The following CD2AP variants were observed in gnomAD, a reference collection of about 807,000 sequenced individuals.
CD2AP encodes CD2-associated protein.
In CD2AP, 46 loss-of-function variants were observed where a neutral mutation model predicts 85.1. That is an observed-to-expected ratio of 0.54 (90% confidence interval 0.43 to 0.69). The LOEUF (loss-of-function observed/expected upper bound fraction) is 0.69. Ranked by LOEUF, CD2AP falls within the 30% of genes least tolerant of loss-of-function variation. The pLI is 0.00. For synonymous variants in CD2AP, 255 were observed against 252.9 expected (o/e 1.01, Z -0.08); for missense variants, 769 against 729.5 (o/e 1.05, Z -0.62).
intron 1 of CD2AP, among the ~76,000 whole-genome samples, chr6:47,494,748 C>T (rs1246963540): frequency 6.6e-6 from 1 of 152,232 alleles, no homozygotes; most frequent in East Asian, 1.9e-4. Flanking sequence ...ATTCCACAGT[C>T]AGCCTCCAGC....
At chr6:47,617,763 C>T (rs1769630592) in intron 17 of CD2AP, among the ~76,000 whole-genome samples, 1 of 152,150 alleles carries the variant, frequency 6.6e-6, no homozygotes, top group African/African-American at 2.4e-5. Flanking sequence ...GGAGTACTTT[C>T]AAGAGCTTTC....
intron 2 of CD2AP, among the ~76,000 whole-genome samples, chr6:47,515,428 T>A (rs769917538): frequency 6.6e-5 from 10 of 152,208 alleles, no homozygotes; most frequent in African/African-American, 2.2e-4. Context: ...ACACTTTATA[T>A]CTGTATGAAT....
chr6:47,570,750 G>A (rs1400523036), intron 5 of CD2AP, among the ~76,000 whole-genome samples: 3 of 152,076 alleles, frequency 2.0e-5, no homozygotes, highest in Non-Finnish European at 4.4e-5. Context: ...CATTTTACAG[G>A]CAAAGAGATT....
intron 3 of CD2AP, among the ~76,000 whole-genome samples, chr6:47,536,410 G>A (rs924654625): frequency 3.3e-5 from 5 of 152,104 alleles, no homozygotes; most frequent in Non-Finnish European, 7.4e-5. Flanking sequence ...ACACTGCAGT[G>A]TATATGTTCA....
intron 1 of CD2AP, among the ~76,000 whole-genome samples, chr6:47,491,750 A>T (rs573848624): frequency 4.3e-4 from 66 of 152,196 alleles, no homozygotes; most frequent in African/African-American, 1.4e-3. Flanking sequence ...GTAATAATTT[A>T]AAAAAATTAT....
chr6:47,515,212 A>T (rs925199919), intron 2 of CD2AP, among the ~76,000 whole-genome samples: 15 of 152,290 alleles, frequency 9.8e-5, no homozygotes, highest in African/African-American at 3.4e-4. Context: ...TGGGGGAGTA[A>T]TGGGATTTAA....
At chr6:47,505,444 G>A (rs1264437647) in intron 2 of CD2AP, among the ~76,000 whole-genome samples, 6 of 150,652 alleles carry the variant, frequency 4.0e-5, no homozygotes, top group Non-Finnish European at 7.4e-5. Flanking sequence ...ACACAGACAC[G>A]GCAACCATCC....
chr6:47,610,971 A>ATATATATATATATATATATATATTT lies in CD2AP; in HGVS notation c.1815-1501_1815-1500insATATATATATATATATATATATTTT. 2.2e-3 allele frequency among the ~76,000 whole-genome samples: 251 copies of ATATATATATATATATATATATATTT among 112,764 alleles called. 4 individuals are homozygous for ATATATATATATATATATATATATTT. Among genetic ancestry groups the ATATATATATATATATATATATATTT allele is most frequent in the African/African-American group, 8.7e-3 (241 of 27,740 alleles). The allele number at this position is 112,764 out of a possible 152,430, so 74.0% of individuals were successfully genotyped here. A position where few individuals can be genotyped will look rare whatever the true frequency, so the allele number is the denominator to read the frequency against. On this transcript the variant is annotated intron_variant, in intron 16 of 17. Transcript: ENST00000359314. ...GATTTATATATATATATATATATGTATTTTTTTTTTTTTTTGAATATAAAA... is the reference window on the plus strand; with the variant it reads ...GATTTATATATATATATATATATGTATATATATATATATATATATATATTTTTTTTTTTTTTTTTTGAATATAAAA...
intron 2 of CD2AP, among the ~76,000 whole-genome samples, chr6:47,524,732 C>T (rs1766678441): frequency 6.6e-6 from 1 of 152,010 alleles, no homozygotes; most frequent in South Asian, 2.1e-4. Flanking sequence ...TCTACTTTTG[C>T]CTTCTCTGAA....
intron 4 of CD2AP, among the ~76,000 whole-genome samples, chr6:47,550,797 A>G (rs1217195930): frequency 1.3e-5 from 2 of 152,166 alleles, no homozygotes; most frequent in South Asian, 2.1e-4. Context: ...CCATCAGTCA[A>G]TGAGTGGATA....
chr6:47,529,874 C>G (rs750731903), intron 2 of CD2AP, among the ~76,000 whole-genome samples: 1 of 152,206 alleles, frequency 6.6e-6, no homozygotes, highest in Non-Finnish European at 1.5e-5. Context: ...CCTTGCTATT[C>G]TTGAATTTTA....
Position 47,609,222 on chromosome 6 carries a change from G to A in CD2AP, c.1732G>A (p.Val578Met). Residue 578 changes from valine (V) to methionine (M), a missense_variant, in exon 16 of 18, where the codon GTG becomes ATG. Transcript: ENST00000359314. ...EIKAKVETDD[V>M]KKNSLDELRA... ...CAAAGCTAAAGTGGAAACAGATGAT[G>A]TGAAAAAAAATTCCCTGGATGAACT... The A allele has an allele frequency of 1.2e-6, 2 of 1,613,108 alleles. No homozygotes were observed. The highest frequency in any genetic ancestry group is 1.7e-6 in the Non-Finnish European group (2 of 1,179,426).
intron 1 of CD2AP, among the ~76,000 whole-genome samples, chr6:47,495,338 G>T (rs552755524): frequency 1.3e-5 from 2 of 152,138 alleles, no homozygotes; most frequent in African/African-American, 2.4e-5. Context: ...TTGGAGTTAC[G>T]TAAGCAAAGG....
At position 47,533,618 on chromosome 6, in the gene CD2AP, C is replaced by T. The variant is rs142628238; in HGVS notation, c.182C>T (p.Thr61Met). The T allele has an allele frequency of 3.5e-5, 56 of 1,613,552 alleles. No homozygotes were observed. In the African/African-American group the frequency reaches 3.5e-4, roughly 10 times the overall value. The change falls in exon 3 of 18, where the codon ACG becomes ATG. Residue 61 changes from threonine to methionine, a missense_variant. By Grantham distance (81) the Thr-to-Met change is moderately conservative (BLOSUM62 -1). Transcript: ENST00000359314. ...DNFVKEIKRE[T>M]EFKDDSLPIK... is the part of the protein sequence containing the mutation. ...CTTTTGTAGGAAATTAAAAGAGAGACGGAATTCAAGGATGACAGTTTGCCC... is the reference window on the plus strand; with the variant it reads ...CTTTTGTAGGAAATTAAAAGAGAGATGGAATTCAAGGATGACAGTTTGCCC...
In CD2AP at chr6:47,542,899, C is replaced by T. The variant is rs376626036; in HGVS notation, c.320-1707C>T. Among the ~76,000 whole-genome samples, 12 of 151,922 alleles carry T rather than the reference C, an allele frequency of 7.9e-5. No homozygotes were observed. The East Asian group carries it at 1.4e-3, about 17-fold the overall frequency. On this transcript the variant is annotated intron_variant, in intron 3 of 17. Coordinates refer to ENST00000359314, the MANE Select transcript of CD2AP (RefSeq NM_012120.3). ...GGCATGGTAGCTCACGCCTGTAATC[C>T]TAGCACTTTGGGAGGTCCAGGCAGG...
At chr6:47,605,191 CTA>C (rs1480870804) in intron 13 of CD2AP, among the ~76,000 whole-genome samples, 2 of 151,906 alleles carry the variant, frequency 1.3e-5, no homozygotes, top group Non-Finnish European at 2.9e-5. Flanking sequence ...AAGGAATCTG[CTA>C]TTAGTTAGAA....
At chr6:47,525,507 A>C (rs1766697294) in intron 2 of CD2AP, among the ~76,000 whole-genome samples, 1 of 152,146 alleles carries the variant, frequency 6.6e-6, no homozygotes, top group Admixed American at 6.5e-5. Context: ...TATGGAATAC[A>C]AGTAAATTGC....
intron 3 of CD2AP, among the ~76,000 whole-genome samples, chr6:47,543,148 C>CAAAAAAAAAAAAAAA (rs11338409): frequency 9.9e-5 from 6 of 60,330 alleles, no homozygotes; most frequent in African/African-American, 2.1e-4. Flanking sequence ...AAGACTGTCT[C>CAAAAAAAAAAAAAAA]AAAAAAAAAA....
intron 13 of CD2AP, among the ~76,000 whole-genome samples, chr6:47,602,742 A>T (rs80287617): frequency 2.0e-5 from 3 of 150,382 alleles, no homozygotes; most frequent in Non-Finnish European, 4.4e-5. Flanking sequence ...AAAAAAAAAA[A>T]GCTGGGCATG....
Sources: allele counts gnomAD v4.1 joint callset (sites outside exome capture counted in the v4.1 genomes callset), GRCh38; gene constraint gnomAD v4.1.1; transcripts MANE v1.5; gene names NCBI Gene and HGNC (gene_info 2026-07-23, HGNC 2026-07-21).